The following VWA3B variants were observed in gnomAD, a reference collection of about 807,000 sequenced individuals.
VWA3B encodes von Willebrand factor A domain containing 3B, also known as von Willebrand factor A domain-containing protein 3B.
In VWA3B, 138 loss-of-function variants were observed where a neutral mutation model predicts 158.3. That is an observed-to-expected ratio of 0.87 (90% CI 0.76 to 1.00). The LOEUF is 1.00. Among genes scored for constraint, VWA3B ranks in the 50% least tolerant of loss-of-function variants. VWA3B has a pLI of 0.00. For synonymous variants in VWA3B, 596 were observed against 587.3 expected, an observed-to-expected ratio of 1.01 and a Z score of -0.21; for missense variants, 1,555 against 1,565.1, an observed-to-expected ratio of 0.99 and a Z score of 0.11.
intron 22 of VWA3B, among the ~76,000 whole-genome samples, chr2:98,285,362 C>CT (rs1250525650): frequency 6.6e-6 from 1 of 152,002 alleles, no homozygotes; most frequent in Non-Finnish European, 1.5e-5. Context: ...ATTATTTCTA[C>CT]TTTTTTATTA....
chr2:98,171,471 G>A lies in VWA3B; in HGVS notation c.1114+8495G>A, dbSNP rs1220919285. ...GAAGAATAGCATATGCAAAGGCCCC[G>A]AGGCAGAAAGGAGAACAGCACTTTA... On this transcript the variant is annotated intron_variant, in intron 8 of 27. Coordinates refer to ENST00000477737, the MANE Select transcript of VWA3B (RefSeq NM_144992.5). 2.0e-5 allele frequency among the ~76,000 whole-genome samples: 3 copies of A among 152,258 alleles called. No individual in the cohort carries two copies. In the South Asian group the frequency reaches 6.2e-4, roughly 32 times the overall value.
chr2:98,187,728 A>T (rs1681220554), intron 9 of VWA3B, among the ~76,000 whole-genome samples: 1 of 146,538 alleles, frequency 6.8e-6, no homozygotes, highest in Admixed American at 6.8e-5. Context: ...TCTATGCTGG[A>T]ATCATTAGCT....
intron 3 of VWA3B, among the ~76,000 whole-genome samples, chr2:98,117,522 T>C (rs894247009): frequency 6.6e-6 from 1 of 152,068 alleles, no homozygotes; most frequent in African/African-American, 2.4e-5. Flanking sequence ...AAGCCTTCCA[T>C]TAGGGGCTGC....
intron 22 of VWA3B, among the ~76,000 whole-genome samples, chr2:98,279,798 C>T (rs1035739336): frequency 6.6e-6 from 1 of 152,042 alleles, no homozygotes; most frequent in African/African-American, 2.4e-5. Flanking sequence ...TGCCTCAAGA[C>T]AGCAAAAATT....
At chr2:98,088,345 C>A (rs529602532) in intron 1 of VWA3B, among the ~76,000 whole-genome samples, 47 of 152,250 alleles carry the variant, frequency 3.1e-4, no homozygotes, top group Admixed American at 7.2e-4. Context: ...CCTGAACCTC[C>A]GAGCACATAG....
At chr2:98,292,306 A>C (rs749604053) in intron 23 of VWA3B, among the ~76,000 whole-genome samples, 4 of 152,194 alleles carry the variant, frequency 2.6e-5, no homozygotes, top group Admixed American at 6.5e-5. Context: ...TCAACAGTTA[A>C]AAGAATAATT....
chr2:98,107,260 A>G (rs940792899), intron 2 of VWA3B, among the ~76,000 whole-genome samples: 4 of 152,058 alleles, frequency 2.6e-5, no homozygotes, highest in African/African-American at 9.7e-5. Flanking sequence ...GGATTTTTGC[A>G]TCTGTATTCT....
rs554725482 is a variant in VWA3B at position 98,181,212 on chromosome 2, G to A, written c.1311G>A (p.Ala437=). The change falls in exon 9 of 28, where the codon GCG becomes GCA. Residue 437 remains alanine, a splice_region_variant and synonymous_variant. Transcript: ENST00000477737. ...AGAATGAGTCCGTGCAGACCAGTGC[G>A]GTAGGTGAAGTGCACTCCTGGGAGG... ...KPENESVQTS[A]ETNKKTVHAK... is the part of the protein sequence containing the mutation. The A allele has an allele frequency of 2.9e-5, 47 of 1,613,320 alleles. No homozygotes were observed. The highest frequency in any genetic ancestry group is 5.3e-5 in the African/African-American group (4 of 75,048).
At chr2:98,247,549 G>C (rs7572158) in intron 19 of VWA3B, among the ~76,000 whole-genome samples, 136,386 of 152,182 alleles carry the variant, frequency 0.9, 61,391 homozygotes, top group East Asian at 0.97. Flanking sequence ...GTTTTCTCTT[G>C]GCTGTTGAGT....
In VWA3B at chr2:98,121,473, A is replaced by G. The variant is rs374926078; in HGVS notation, c.702+15A>G. ...GAGACAAGACTGTAAGTGCGTGTTC[A>G]TGGCTGGCCCCAGGCCATGGAGGTG... On this transcript the variant is annotated intron_variant, in intron 5 of 27. Transcript: ENST00000477737. The G allele has an allele frequency of 9.3e-6, 15 of 1,609,044 alleles. No individual in the cohort carries two copies. The highest frequency in any genetic ancestry group is 3.3e-5 in the Admixed American group (2 of 59,930).
At position 98,121,434 on chromosome 2, in the gene VWA3B, G is replaced by A; in HGVS notation, c.678G>A (p.Leu226=). ...GCGAGGCTGGCCGCCTGGATGCTCT[G>A]CTGGAAGCCGGGAGAGACAAGACTG... ...TVSEAGRLDA[L]LEAGRDKTIE... is the part of the protein sequence containing the mutation. Residue 226 remains leucine (L), a synonymous_variant, in exon 5 of 28, where the codon CTG becomes CTA. Coordinates refer to ENST00000477737, the MANE Select transcript of VWA3B (RefSeq NM_144992.5). 6.2e-7 allele frequency: 1 copy of A among 1,614,128 alleles called. No homozygotes were observed. The highest frequency in any genetic ancestry group is 8.5e-7 in the Non-Finnish European group (1 of 1,180,020).
rs1175712565 is a variant in VWA3B, at chr2:98,234,775, A to C, written c.2428+8A>C. ...CTGCTCTAAGTGACAAAGGCAAGCC[A>C]GAAAGCATCTCTGTGGCCAACCAGC... is the stretch of plus-strand genomic sequence containing the variant. On this transcript the variant is annotated splice_region_variant and intron_variant, in intron 17 of 27. Transcript: ENST00000477737. 6.2e-7 allele frequency: 1 copy of C among 1,614,196 alleles called. No individual in the cohort carries two copies. The highest frequency in any genetic ancestry group is 8.5e-7 in the Non-Finnish European group (1 of 1,180,004).
At chr2:98,227,542 T>G (rs1476832532) in intron 14 of VWA3B, among the ~76,000 whole-genome samples, 4 of 152,196 alleles carry the variant, frequency 2.6e-5, no homozygotes, top group Admixed American at 6.5e-5. Context: ...TAGTATACAA[T>G]AGAATACAGC....
intron 23 of VWA3B, among the ~76,000 whole-genome samples, chr2:98,297,592 G>A (rs1192223017): frequency 2.6e-5 from 4 of 152,136 alleles, no homozygotes; most frequent in Non-Finnish European, 2.9e-5. Flanking sequence ...GGAGGTGTTC[G>A]AGAAGAGGAT....
Position 98,234,812 on chromosome 2 carries a change from C to G in VWA3B, c.2428+45C>G, listed in dbSNP as rs868553932. 136 of 1,612,904 alleles carry G rather than the reference C, an allele frequency of 8.4e-5. No individual in the cohort carries two copies. The Middle Eastern group carries it at 3.6e-3, about 43-fold the overall frequency. On this transcript the variant is annotated intron_variant, in intron 17 of 27. Transcript: ENST00000477737. ...TGTGGCCAACCAGCCTCCCTTTCCA[C>G]AGTGTATCTGTTCCAGAAAGAGCTG...
At chr2:98,308,505 A>G (rs1690671700) in intron 26 of VWA3B, among the ~76,000 whole-genome samples, 1 of 152,262 alleles carries the variant, frequency 6.6e-6, no homozygotes, top group Admixed American at 6.5e-5. Flanking sequence ...TACAAGAAAC[A>G]GGCAGAACAG....
chr2:98,087,592 G>T (rs987371801), intron 1 of VWA3B, among the ~76,000 whole-genome samples: 7 of 152,116 alleles, frequency 4.6e-5, no homozygotes, highest in Admixed American at 4.6e-4. Context: ...CTACTCTAGA[G>T]CTCTTTCCAT....
At chr2:98,254,256 G>A (rs142567180) in intron 20 of VWA3B, among the ~76,000 whole-genome samples, 1 of 152,190 alleles carries the variant, frequency 6.6e-6, no homozygotes, top group African/African-American at 2.4e-5. Flanking sequence ...CAAAAGCTAC[G>A]TAGCACAGGA....
At position 98,169,547 on chromosome 2, in the gene VWA3B, A is replaced by C. The variant is rs183764996; in HGVS notation, c.1114+6571A>C. On this transcript the variant is annotated intron_variant, in intron 8 of 27. Coordinates refer to ENST00000477737, the MANE Select transcript of VWA3B (RefSeq NM_144992.5). ...ACATAAATCTAACCATACGTATGTC[A>C]AAACTTACCAGTGTGTACACTTTAA... 9.2e-5 allele frequency among the ~76,000 whole-genome samples: 14 copies of C among 152,348 alleles called. No individual in the cohort carries two copies. The East Asian group carries it at 2.3e-3, about 25-fold the overall frequency.
Sources: gnomAD v4.1 joint callset for allele counts (sites outside exome capture counted in the v4.1 genomes callset) on GRCh38, gnomAD v4.1.1 for gene constraint, MANE v1.5 for transcripts, NCBI Gene and HGNC (gene_info 2026-07-23, HGNC 2026-07-21) for gene names.